The following ADAM29 variants were observed in gnomAD, a reference collection of about 807,000 sequenced individuals.
The protein encoded by ADAM29 is disintegrin and metalloproteinase domain-containing protein 29.
For missense variants in ADAM29, 969 were observed against 1,001.8 expected, an observed-to-expected ratio of 0.97 and a Z score of 0.44; for synonymous variants, 367 against 342.3, an observed-to-expected ratio of 1.07 and a Z score of -0.80.
At chr4:174,953,987 C>T (rs891842657) in intron 4 of ADAM29, among the ~76,000 whole-genome samples, 1 of 152,200 alleles carries the variant, frequency 6.6e-6, no homozygotes, top group Non-Finnish European at 1.5e-5. Flanking sequence ...GTTGGGATTA[C>T]AGGTGTGAGC....
intron 3 of ADAM29, among the ~76,000 whole-genome samples, chr4:174,934,966 T>C (rs4533745): frequency 0.46 from 70,510 of 151,996 alleles, 16,809 homozygotes; most frequent in East Asian, 0.67. Context: ...ATTACCTGAA[T>C]GGATAGAAAG....
intron 4 of ADAM29, among the ~76,000 whole-genome samples, chr4:174,941,575 A>C (rs1308985482): frequency 1.3e-5 from 2 of 152,076 alleles, no homozygotes; most frequent in Non-Finnish European, 2.9e-5. Flanking sequence ...TAACCATCAG[A>C]TCTCCTGAGA....
chr4:174,936,504 C>T (rs1421575825), intron 3 of ADAM29, among the ~76,000 whole-genome samples: 1 of 151,960 alleles, frequency 6.6e-6, no homozygotes, highest in Non-Finnish European at 1.5e-5. Flanking sequence ...AACTTGCCCC[C>T]TCACTCCTCC....
At position 174,928,569 on chromosome 4, in the gene ADAM29, T is replaced by TAAAAAAAAAAA. The variant is rs70947474; in HGVS notation, c.-450-2415_-450-2405dup. ...CTCTACAAATTCCCTGTCATGTGCT[T>TAAAAAAAAAAA]AAAAAAAAAAAAGACACCAGCCAGA... On this transcript the variant is annotated intron_variant, in intron 2 of 4. Transcript: ENST00000359240. Among the ~76,000 whole-genome samples the TAAAAAAAAAAA allele has an allele frequency of 1.4e-4, 19 of 131,794 alleles. 2 individuals carry two copies. Among genetic ancestry groups the TAAAAAAAAAAA allele is most frequent in the East Asian group, 2.3e-4 (1 of 4,442 alleles). The allele number at this position is 131,794 out of a possible 152,430, so 86.5% of individuals were successfully genotyped here.
rs577890003 is a variant in ADAM29 at position 174,918,421 on chromosome 4, C to G, written c.-607C>G. On this transcript the variant is annotated 5_prime_UTR_variant, in exon 1 of 5. Coordinates refer to ENST00000359240, the MANE Select transcript of ADAM29 (RefSeq NM_014269.4). ...TATCTCCTATAAAATAAAAGCTCTCCTGATGGCCTGTTCCTGCACATTTCC... is the reference window on the plus strand; with the variant it reads ...TATCTCCTATAAAATAAAAGCTCTCGTGATGGCCTGTTCCTGCACATTTCC... 67 of 152,284 alleles carry G rather than the reference C, an allele frequency of 4.4e-4. No homozygotes were observed. The highest frequency in any genetic ancestry group is 1.6e-3 in the African/African-American group (66 of 41,550). 9.4% of individuals were successfully genotyped at this position (152,284 alleles called of 1,614,324 possible).
intron 4 of ADAM29, among the ~76,000 whole-genome samples, chr4:174,965,679 T>TAAA (rs1314495227): frequency 1.3e-5 from 2 of 151,996 alleles, no homozygotes; most frequent in African/African-American, 4.8e-5. Context: ...CTTTTGCTCT[T>TAAA]AAAAAAATGG....
chr4:174,960,101 TATA>T (rs1232050193), intron 4 of ADAM29, among the ~76,000 whole-genome samples: 1 of 152,054 alleles, frequency 6.6e-6, no homozygotes, highest in Non-Finnish European at 1.5e-5. Context: ...TGAAGTTGTT[TATA>T]ATATTTTCTT....
intron 2 of ADAM29, among the ~76,000 whole-genome samples, chr4:174,924,519 T>C (rs1291083565): frequency 1.3e-5 from 2 of 152,234 alleles, no homozygotes; most frequent in Non-Finnish European, 2.9e-5. Flanking sequence ...TCAATGTATA[T>C]AGCAGCTTTA....
Position 174,975,618 on chromosome 4 carries a change from G to A in ADAM29, c.93G>A (p.Pro31=), listed in dbSNP as rs370385070. The A allele has an allele frequency of 3.5e-5, 56 of 1,610,660 alleles. No homozygotes were observed. The highest frequency in any genetic ancestry group is 3.3e-4 in the Middle Eastern group (2 of 6,038). The part of the protein sequence containing the change: ...QDEHPQYHSP[P]DVVIPVRITG... ...AGCACCCCCAATATCACAGCCCTCC[G>A]GATGTGGTGATTCCTGTGAGGATAA... The change falls in exon 5 of 5, where the codon CCG becomes CCA. Residue 31 remains proline, a synonymous_variant. Transcript: ENST00000359240.
chr4:174,969,923 G>T (rs1291436550), intron 4 of ADAM29, among the ~76,000 whole-genome samples: 1 of 151,850 alleles, frequency 6.6e-6, no homozygotes, highest in Non-Finnish European at 1.5e-5. Flanking sequence ...GGAAACTCTG[G>T]ATCTTGACCA....
intron 4 of ADAM29, among the ~76,000 whole-genome samples, chr4:174,938,456 T>G (rs1219412396): frequency 6.6e-6 from 1 of 152,126 alleles, no homozygotes; most frequent in Admixed American, 6.6e-5. Context: ...AAGGTTTTAT[T>G]TGTAATATCA....
intron 4 of ADAM29, among the ~76,000 whole-genome samples, chr4:174,953,163 G>A (rs538979549): frequency 6.6e-6 from 1 of 152,196 alleles, no homozygotes; most frequent in South Asian, 2.1e-4. Context: ...GCCGGTGCCT[G>A]TAGTCCCAGC....
At chr4:174,952,857 G>A (rs1187330532) in intron 4 of ADAM29, among the ~76,000 whole-genome samples, 3 of 152,108 alleles carry the variant, frequency 2.0e-5, no homozygotes, top group Non-Finnish European at 4.4e-5. Context: ...TATAATCTGA[G>A]TGACAAGCCA....
intron 3 of ADAM29, among the ~76,000 whole-genome samples, chr4:174,935,495 T>A (rs1045227366): frequency 8.5e-5 from 13 of 152,110 alleles, no homozygotes; most frequent in Non-Finnish European, 1.9e-4. Context: ...CCATTCATAG[T>A]GAACGTCTAG....
At chr4:174,923,560 T>TATATATATATATATATGG (rs70947473) in intron 2 of ADAM29, among the ~76,000 whole-genome samples, 2 of 115,890 alleles carry the variant, frequency 1.7e-5, no homozygotes. Context: ...TATATATATA[T>TATATATATATATATATGG]ACACACACAC....
At chr4:174,970,134 A>AAAGACAAT (rs1269608354) in intron 4 of ADAM29, among the ~76,000 whole-genome samples, 2 of 152,156 alleles carry the variant, frequency 1.3e-5, no homozygotes, top group Admixed American at 1.3e-4. Context: ...ACACAGATTA[A>AAAGACAAT]AAGACAATAG....
Position 174,918,372 on chromosome 4 carries a change from A to G in ADAM29, c.-656A>G, listed in dbSNP as rs1742981875. 6.6e-6 allele frequency: 1 copy of G among 152,188 alleles called. No individual in the cohort carries two copies. The highest frequency in any genetic ancestry group is 1.5e-5 in the Non-Finnish European group (1 of 68,054). 9.4% of individuals were successfully genotyped at this position (152,188 alleles called of 1,614,324 possible). On this transcript the variant is annotated 5_prime_UTR_variant, in exon 1 of 5. Transcript: ENST00000359240. The stretch of plus-strand genomic sequence containing the variant: ...TTTCCTCCTTTGTGACATCACATCC[A>G]CTAACCAAATGGGGTGGTGTGAGTA...
intron 4 of ADAM29, among the ~76,000 whole-genome samples, chr4:174,964,529 A>C (rs1579070669): frequency 6.6e-6 from 1 of 152,144 alleles, no homozygotes; most frequent in East Asian, 1.9e-4. Flanking sequence ...CAAAATAATT[A>C]AGAAAATATG....
chr4:174,957,085 T>C (rs989155749), intron 4 of ADAM29, among the ~76,000 whole-genome samples: 4 of 151,916 alleles, frequency 2.6e-5, no homozygotes, highest in South Asian at 2.1e-4. Context: ...CAGGCAACAA[T>C]TGCTTCATAT....
Sources: allele counts gnomAD v4.1 joint callset (sites outside exome capture counted in the v4.1 genomes callset), GRCh38; gene constraint gnomAD v4.1.1; transcripts MANE v1.5; gene names NCBI Gene and HGNC (gene_info 2026-07-23, HGNC 2026-07-21).